Variants in DGKB observed in about 807,000 individuals in gnomAD.
DGKB encodes the protein 90 kDa diacylglycerol kinase.
In DGKB, 67 loss-of-function variants were observed where a neutral mutation model predicts 114.3. The observed-to-expected ratio is 0.59, with a 90% confidence interval of 0.48 to 0.72. The LOEUF (loss-of-function observed/expected upper bound fraction) is 0.72, where lower values mean the gene tolerates loss of function less well. Ranked by LOEUF, DGKB falls within the 30% of genes least tolerant of loss-of-function variation. The pLI, the probability that DGKB is intolerant of heterozygous loss-of-function variation, is 0.00. For missense variants in DGKB, 907 were observed against 975.2 expected (o/e 0.93, Z 0.93); for synonymous variants, 398 against 323.1 (o/e 1.23, Z -2.49).
chr7:14,501,749 T>C (rs544094340), intron 20 of DGKB, among the ~76,000 whole-genome samples: 2 of 152,104 alleles, frequency 1.3e-5, no homozygotes, highest in Admixed American at 6.6e-5. Context: ...TTATCCTATG[T>C]CATTTTATGT....
intron 9 of DGKB, among the ~76,000 whole-genome samples, chr7:14,692,038 G>A (rs1585698259): frequency 6.6e-6 from 1 of 151,984 alleles, no homozygotes; most frequent in East Asian, 1.9e-4. Flanking sequence ...AGAAACTAAT[G>A]AGGTATTATA....
At chr7:14,901,290 A>G (rs750249947) in intron 1 of DGKB, among the ~76,000 whole-genome samples, 1 of 152,212 alleles carries the variant, frequency 6.6e-6, no homozygotes, top group South Asian at 2.1e-4. Flanking sequence ...TTAGAGAAAG[A>G]GTAGCACAAT....
Position 14,917,880 on chromosome 7 carries a change from A to T in DGKB, c.-188+56816T>A, listed in dbSNP as rs559326093. 2.6e-5 allele frequency among the ~76,000 whole-genome samples: 4 copies of T among 152,232 alleles called. No individual in the cohort carries two copies. In the South Asian group the frequency reaches 8.3e-4, roughly 32 times the overall value. On this transcript the variant is annotated intron_variant, in intron 1 of 4. Transcript: ENST00000437998. ...ACCAAATATTAGCAAATTGAATCCA[A>T]CAACGTATAGAAAGAACTATACACC...
intron 5 of DGKB, among the ~76,000 whole-genome samples, chr7:14,729,417 G>A (rs1045320717): frequency 6.6e-6 from 1 of 152,062 alleles, no homozygotes; most frequent in African/African-American, 2.4e-5. Flanking sequence ...CCATCATTTT[G>A]CTCACTGATG....
chr7:14,686,085 C>T (rs896840636), intron 9 of DGKB, among the ~76,000 whole-genome samples: 6 of 152,024 alleles, frequency 3.9e-5, no homozygotes, highest in Non-Finnish European at 7.4e-5. Context: ...AATATTAAAA[C>T]TGTATTAATA....
intron 25 of DGKB, among the ~76,000 whole-genome samples, chr7:14,159,977 A>G (rs1783620409): frequency 6.6e-6 from 1 of 152,142 alleles, no homozygotes; most frequent in South Asian, 2.1e-4. Context: ...CTGGCCAATC[A>G]TTGATATTCT....
chr7:14,857,493 T>C (rs1850352287), intron 1 of DGKB, among the ~76,000 whole-genome samples: 1 of 152,144 alleles, frequency 6.6e-6, no homozygotes, highest in Admixed American at 6.5e-5. Context: ...GAAACTGAAA[T>C]AATAAATAGC....
intron 1 of DGKB, among the ~76,000 whole-genome samples, chr7:14,842,579 A>G (rs887980334): frequency 2.0e-5 from 3 of 152,308 alleles, no homozygotes; most frequent in African/African-American, 7.2e-5. Flanking sequence ...TGCAATGACA[A>G]TTGTGGACAT....
intron 21 of DGKB, among the ~76,000 whole-genome samples, chr7:14,392,995 G>GTTTTTGTTTTTGTTTTTTTTTTTTGTTTT: frequency 3.3e-5 from 2 of 60,546 alleles, no homozygotes; most frequent in Non-Finnish European, 6.9e-5. Flanking sequence ...TTTTGTTTTT[G>GTTTTTGTTTTTGTTTTTTTTTTTTGTTTT]TTTTTTTTTT....
intron 2 of DGKB, among the ~76,000 whole-genome samples, chr7:14,795,108 T>C (rs995731702): frequency 6.6e-6 from 1 of 152,150 alleles, no homozygotes; most frequent in African/African-American, 2.4e-5. Flanking sequence ...GTGTGACCCA[T>C]GAGGAGGTAT....
chr7:14,751,377 G>C (rs141016429), intron 4 of DGKB, among the ~76,000 whole-genome samples: 187 of 152,212 alleles, frequency 1.2e-3, no homozygotes, highest in African/African-American at 4.0e-3. Flanking sequence ...AAACTAAGGA[G>C]AGTTACTTGT....
rs1310841295 is a variant in DGKB, at chr7:14,170,185, GAA to G, written c.2304+6652_2304+6653del. Among the ~76,000 whole-genome samples, 23 of 139,152 alleles carry G rather than the reference GAA, an allele frequency of 1.7e-4. 1 individual carries two copies. Among genetic ancestry groups the G allele is most frequent in the East Asian group, 2.0e-4 (1 of 4,932 alleles). 91.3% of individuals were successfully genotyped at this position (139,152 alleles called of 152,430 possible). ...AGAAAGAAAGAAAGAAAGAAAGAAA[GAA>G]AGAAAGAAAGAAAGAAATACATTAA... is the stretch of plus-strand genomic sequence containing the variant. On this transcript the variant is annotated intron_variant, in intron 25 of 25. Coordinates refer to ENST00000402815, the MANE Select transcript of DGKB (RefSeq NM_001350709.2).
At chr7:14,574,837 A>G (rs1798889393) in intron 19 of DGKB, among the ~76,000 whole-genome samples, 1 of 152,176 alleles carries the variant, frequency 6.6e-6, no homozygotes, top group South Asian at 2.1e-4. Context: ...AGTGATATAA[A>G]ACTTTCAATT....
At position 14,167,731 on chromosome 7, in the gene DGKB, A is replaced by G. The variant is rs545468054; in HGVS notation, c.2304+9108T>C. Among the ~76,000 whole-genome samples, 3 of 152,000 alleles carry G rather than the reference A, an allele frequency of 2.0e-5. No individual in the cohort carries two copies. In the East Asian group the frequency reaches 5.8e-4, roughly 29 times the overall value. On this transcript the variant is annotated intron_variant, in intron 25 of 25. Transcript: ENST00000402815. Reference sequence around the variant, plus strand: ...TGAATAACATTGCAAACACTTTGAAAACCAAACAAACATACTGGAACCACA... The same window carrying G: ...TGAATAACATTGCAAACACTTTGAAGACCAAACAAACATACTGGAACCACA...
intron 1 of DGKB, among the ~76,000 whole-genome samples, chr7:14,958,965 A>G (rs986458913): frequency 2.0e-5 from 3 of 152,074 alleles, no homozygotes; most frequent in Non-Finnish European, 4.4e-5. Flanking sequence ...AGCTAACCAC[A>G]TGATTCCAAA....
chr7:14,464,142 T>G (rs1003134877), intron 21 of DGKB, among the ~76,000 whole-genome samples: 1 of 152,100 alleles, frequency 6.6e-6, no homozygotes, highest in South Asian at 2.1e-4. Flanking sequence ...ACTTTAGTTA[T>G]ATTTGAAAAT....
intron 1 of DGKB, among the ~76,000 whole-genome samples, chr7:14,945,278 G>A (rs1785809613): frequency 1.3e-5 from 2 of 151,740 alleles, no homozygotes; most frequent in Admixed American, 1.3e-4. Flanking sequence ...CATAAAAGCA[G>A]GCAAAACTCA....
intron 21 of DGKB, among the ~76,000 whole-genome samples, chr7:14,397,917 CTCTTT>C (rs1458239633): frequency 6.6e-6 from 1 of 152,052 alleles, no homozygotes; most frequent in African/African-American, 2.4e-5. Flanking sequence ...TGGGAGTCTT[CTCTTT>C]TGTTTGTTAT....
At chr7:14,634,793 T>C (rs1243605494) in intron 13 of DGKB, among the ~76,000 whole-genome samples, 1 of 151,684 alleles carries the variant, frequency 6.6e-6, no homozygotes, top group African/African-American at 2.4e-5. Flanking sequence ...TTGGCTTCCA[T>C]GTTTTTTTTA....
Sources: gnomAD v4.1 joint callset for allele counts (sites outside exome capture counted in the v4.1 genomes callset) on GRCh38, gnomAD v4.1.1 for gene constraint, MANE v1.5 for transcripts, NCBI Gene and HGNC (gene_info 2026-07-23, HGNC 2026-07-21) for gene names.